Variants in TLN2 observed in about 807,000 individuals in gnomAD.
TLN2 encodes the protein talin 2.
In TLN2, 118 loss-of-function variants were observed where a neutral mutation model predicts 294.7. The observed-to-expected ratio is 0.40, with a 90% CI of 0.34 to 0.47. The LOEUF is 0.47. TLN2 is among the 20% of genes least tolerant of loss of function. The pLI, the probability that TLN2 is intolerant of heterozygous loss-of-function variation, is 0.84. For synonymous variants in TLN2, 1,431 were observed against 1,304.5 expected, an observed-to-expected ratio of 1.10 and a Z score of -2.09; for missense variants, 3,083 against 3,282.2, an observed-to-expected ratio of 0.94 and a Z score of 1.48.
chr15:62,473,732 C>T (rs1231409241), intron 1 of TLN2, among the ~76,000 whole-genome samples: 1 of 152,218 alleles, frequency 6.6e-6, no homozygotes, highest in African/African-American at 2.4e-5. Context: ...CCGGTTTCCT[C>T]ACTGGATCCT....
intron 47 of TLN2, among the ~76,000 whole-genome samples, chr15:62,796,963 G>A (rs1001397592): frequency 2.0e-5 from 3 of 152,188 alleles, no homozygotes; most frequent in Admixed American, 6.5e-5. Flanking sequence ...AGCCAGGTTG[G>A]TGGGCCTGAC....
At chr15:62,509,079 A>T (rs1214941374) in intron 1 of TLN2, among the ~76,000 whole-genome samples, 1 of 152,200 alleles carries the variant, frequency 6.6e-6, no homozygotes, top group Non-Finnish European at 1.5e-5. Flanking sequence ...AAGCTTAAGT[A>T]AGGTGCTTAG....
chr15:62,660,111 A>G (rs1177901109), intron 9 of TLN2, among the ~76,000 whole-genome samples: 1 of 152,102 alleles, frequency 6.6e-6, no homozygotes, highest in Non-Finnish European at 1.5e-5. Flanking sequence ...TGAAGATGCA[A>G]CCCCCAGAAA....
intron 28 of TLN2, among the ~76,000 whole-genome samples, chr15:62,734,560 T>C (rs1290966752): frequency 1.3e-5 from 2 of 152,208 alleles, no homozygotes; most frequent in Non-Finnish European, 2.9e-5. Context: ...GGAATGACCA[T>C]TCTCCTCAGA....
chr15:62,490,802 C>G (rs1025743019), intron 1 of TLN2, among the ~76,000 whole-genome samples: 1 of 152,026 alleles, frequency 6.6e-6, no homozygotes, highest in African/African-American at 2.4e-5. Flanking sequence ...GCTAGAAATG[C>G]CAGAAATAAT....
intron 48 of TLN2, among the ~76,000 whole-genome samples, chr15:62,800,055 T>C (rs1250729375): frequency 6.6e-6 from 1 of 152,232 alleles, no homozygotes; most frequent in East Asian, 1.9e-4. Context: ...GTTGCCTCTC[T>C]GGTGTCCTTT....
At chr15:62,521,006 G>A (rs373529236) in intron 1 of TLN2, among the ~76,000 whole-genome samples, 5 of 152,178 alleles carry the variant, frequency 3.3e-5, no homozygotes, top group African/African-American at 1.2e-4. Context: ...GTGGAAGTAA[G>A]GAGAGTATAC....
chr15:62,610,197 G>A (rs1205087492), intron 2 of TLN2, among the ~76,000 whole-genome samples: 1 of 152,136 alleles, frequency 6.6e-6, no homozygotes, highest in East Asian at 1.9e-4. Flanking sequence ...CTACCTCAGT[G>A]GACAGAGTTA....
At chr15:62,826,384 G>A (rs1221152452) in intron 54 of TLN2, among the ~76,000 whole-genome samples, 2 of 152,188 alleles carry the variant, frequency 1.3e-5, no homozygotes, top group African/African-American at 4.8e-5. Flanking sequence ...CGGATGCGGA[G>A]GGTGTGGTCC....
intron 2 of TLN2, among the ~76,000 whole-genome samples, chr15:62,610,548 C>T (rs566077924): frequency 4.3e-4 from 65 of 152,284 alleles, no homozygotes; most frequent in African/African-American, 1.6e-3. Context: ...AGCACCTCGG[C>T]ACTATGTTTA....
intron 42 of TLN2, among the ~76,000 whole-genome samples, chr15:62,772,274 A>G (rs56414433): frequency 0.24 from 36,621 of 152,016 alleles, 4,562 homozygotes; most frequent in Non-Finnish European, 0.27. Flanking sequence ...AACATTTTCT[A>G]TGTTCAATTT....
At chr15:62,732,137 G>C (rs1270435365) in intron 28 of TLN2, among the ~76,000 whole-genome samples, 1 of 152,080 alleles carries the variant, frequency 6.6e-6, no homozygotes, top group East Asian at 1.9e-4. Context: ...AAAATCATAG[G>C]GTAATATGAG....
chr15:62,464,430 G>A (rs768487090), intron 1 of TLN2, among the ~76,000 whole-genome samples: 3 of 152,092 alleles, frequency 2.0e-5, no homozygotes, highest in South Asian at 2.1e-4. Flanking sequence ...TTGTGGGATC[G>A]GGGGAGTGGG....
At chr15:62,821,100 A>G (rs1201837255) in intron 54 of TLN2, among the ~76,000 whole-genome samples, 3 of 152,328 alleles carry the variant, frequency 2.0e-5, no homozygotes, top group African/African-American at 7.2e-5. Flanking sequence ...TGTGTTTGTC[A>G]TGTAGATAAA....
At chr15:62,766,019 G>T (rs561751599) in intron 40 of TLN2, among the ~76,000 whole-genome samples, 1 of 152,176 alleles carries the variant, frequency 6.6e-6, no homozygotes, top group East Asian at 1.9e-4. Context: ...TGACTGTTCC[G>T]CATGTCTACT....
intron 3 of TLN2, among the ~76,000 whole-genome samples, chr15:62,630,890 G>T (rs1352961200): frequency 6.6e-6 from 1 of 152,094 alleles, no homozygotes; most frequent in Admixed American, 6.6e-5. Flanking sequence ...CATCACTAAA[G>T]AGAGGGGGAG....
chr15:62,622,562 C>G (rs1470193261), intron 3 of TLN2, among the ~76,000 whole-genome samples: 2 of 152,230 alleles, frequency 1.3e-5, no homozygotes, highest in East Asian at 3.9e-4. Flanking sequence ...CCTGATACAA[C>G]TTACTGTAAT....
intron 1 of TLN2, among the ~76,000 whole-genome samples, chr15:62,510,129 G>A (rs556405923): frequency 2.0e-5 from 3 of 152,254 alleles, no homozygotes; most frequent in East Asian, 1.9e-4. Context: ...CTTGCAAAAC[G>A]GGGGCTGGTA....
intron 52 of TLN2, among the ~76,000 whole-genome samples, chr15:62,817,701 A>C (rs2067223555): frequency 6.6e-6 from 1 of 151,884 alleles, no homozygotes; most frequent in East Asian, 1.9e-4. Context: ...AGACTGTGCT[A>C]CCTGGGCAGG....
Sources: allele counts gnomAD v4.1 joint callset (sites outside exome capture counted in the v4.1 genomes callset), GRCh38; gene constraint gnomAD v4.1.1; transcripts MANE v1.5; gene names NCBI Gene and HGNC (gene_info 2026-07-23, HGNC 2026-07-21).